The following LYPLAL1 variants were observed in gnomAD, a reference collection of about 807,000 sequenced individuals.
LYPLAL1 encodes the protein lysophospholipase-like protein 1.
Under a neutral mutation model 19.7 loss-of-function variants are expected in LYPLAL1, and 23 were observed. The observed-to-expected ratio is 1.17, with a 90% CI of 0.84 to 1.65. The LOEUF (loss-of-function observed/expected upper bound fraction) is 1.65, where lower values mean the gene tolerates loss of function less well. Ranked by LOEUF, LYPLAL1 falls within the 40% of genes most tolerant of loss-of-function variation. LYPLAL1 has a pLI of 0.00. For synonymous variants in LYPLAL1, 119 were observed against 96.3 expected, an observed-to-expected ratio of 1.24 and a Z score of -1.38; for missense variants, 355 against 279.4, an observed-to-expected ratio of 1.27 and a Z score of -1.93.
the LYPLAL1 span, among the ~76,000 whole-genome samples, chr1:219,431,035 T>TAA: frequency 3.3e-5 from 5 of 152,158 alleles, no homozygotes; most frequent in Non-Finnish European, 7.4e-5. Context: ...CAATTGTCTT[T>TAA]AAGAGATACT....
chr1:219,334,114 A>G, the LYPLAL1 span, among the ~76,000 whole-genome samples: 1 of 152,040 alleles, frequency 6.6e-6, no homozygotes, highest in Non-Finnish European at 1.5e-5. Flanking sequence ...ACTCTATCAT[A>G]GAATCCCAAG....
the LYPLAL1 span, among the ~76,000 whole-genome samples, chr1:219,367,777 C>T: frequency 3.3e-5 from 5 of 152,114 alleles, no homozygotes; most frequent in East Asian, 9.6e-4. Flanking sequence ...AGTTCCTAAC[C>T]TGAGGTAATG....
At chr1:219,269,188 C>T in the LYPLAL1 span, among the ~76,000 whole-genome samples, 3 of 152,146 alleles carry the variant, frequency 2.0e-5, no homozygotes, top group African/African-American at 7.2e-5. Flanking sequence ...CTGTGTCCTA[C>T]AAGTGAAGAT....
intron 2 of LYPLAL1, among the ~76,000 whole-genome samples, chr1:219,180,902 G>T (rs929042826): frequency 5.3e-5 from 8 of 152,122 alleles, no homozygotes; most frequent in Non-Finnish European, 1.0e-4. Context: ...TTGTGATTTA[G>T]TAAAATATGA....
At chr1:219,390,628 A>T in the LYPLAL1 span, among the ~76,000 whole-genome samples, 1 of 152,206 alleles carries the variant, frequency 6.6e-6, no homozygotes, top group Non-Finnish European at 1.5e-5. Context: ...AATCATTTAC[A>T]AACCTGTTAG....
intron 3 of LYPLAL1, chr1:219,200,235 A>G (rs1467564078): frequency 1.6e-5 from 4 of 253,190 alleles, no homozygotes; most frequent in Non-Finnish European, 2.4e-5. Flanking sequence ...TCGAGCCAAG[A>G]AAACAGCTTT....
chr1:219,182,434 A>G (rs78084571), intron 2 of LYPLAL1, among the ~76,000 whole-genome samples: 271 of 152,130 alleles, frequency 1.8e-3, no homozygotes, highest in African/African-American at 6.1e-3. Context: ...GCTACCTTCC[A>G]TCTATTATGG....
At chr1:219,363,810 C>T in the LYPLAL1 span, among the ~76,000 whole-genome samples, 1 of 152,284 alleles carries the variant, frequency 6.6e-6, no homozygotes, top group African/African-American at 2.4e-5. Context: ...AAAAGTCTAA[C>T]TTTCTTCTCA....
chr1:219,297,002 A>G, the LYPLAL1 span, among the ~76,000 whole-genome samples: 20 of 152,226 alleles, frequency 1.3e-4, no homozygotes, highest in African/African-American at 4.8e-4. Context: ...AATAACTGGG[A>G]AAAGTGAGTT....
chr1:219,255,846 A>G, the LYPLAL1 span, among the ~76,000 whole-genome samples: 1 of 151,940 alleles, frequency 6.6e-6, no homozygotes, highest in East Asian at 1.9e-4. Context: ...TAAAGATAAC[A>G]AAGACAAAAA....
chr1:219,278,106 A>G, the LYPLAL1 span, among the ~76,000 whole-genome samples: 1 of 152,212 alleles, frequency 6.6e-6, no homozygotes, highest in South Asian at 2.1e-4. Context: ...CAACATCCTC[A>G]TTTTTCACAT....
At chr1:219,355,111 C>G in the LYPLAL1 span, among the ~76,000 whole-genome samples, 1 of 152,134 alleles carries the variant, frequency 6.6e-6, no homozygotes, top group Admixed American at 6.5e-5. Flanking sequence ...ATAAATCTTT[C>G]TGCAATGATG....
the LYPLAL1 span, among the ~76,000 whole-genome samples, chr1:219,232,480 G>A: frequency 6.6e-6 from 1 of 152,136 alleles, no homozygotes; most frequent in Admixed American, 6.5e-5. Context: ...ATTTGGCAAT[G>A]ATTTCTTGGG....
the LYPLAL1 span, among the ~76,000 whole-genome samples, chr1:219,246,166 TTATC>T: frequency 2.0e-5 from 3 of 152,036 alleles, no homozygotes; most frequent in Non-Finnish European, 4.4e-5. Context: ...GAGAATGGAG[TTATC>T]TGATTGGCAG....
chr1:219,378,297 G>A, the LYPLAL1 span, among the ~76,000 whole-genome samples: 5 of 150,492 alleles, frequency 3.3e-5, no homozygotes, highest in African/African-American at 1.3e-4. Flanking sequence ...TGGCAGAAGG[G>A]GAAGCAAACA....
At chr1:219,253,582 G>GT in the LYPLAL1 span, among the ~76,000 whole-genome samples, 1 of 149,722 alleles carries the variant, frequency 6.7e-6, no homozygotes, top group Admixed American at 6.6e-5. Flanking sequence ...ATAATTGCTT[G>GT]TTTTTTTAGT....
chr1:219,377,996 T>C, the LYPLAL1 span, among the ~76,000 whole-genome samples: 1 of 152,232 alleles, frequency 6.6e-6, no homozygotes, highest in African/African-American at 2.4e-5. Flanking sequence ...CTAATGGGGA[T>C]GTCTATGTTC....
chr1:219,365,460 G>A, the LYPLAL1 span, among the ~76,000 whole-genome samples: 142 of 152,234 alleles, frequency 9.3e-4, no homozygotes, highest in Middle Eastern at 3.4e-3. Context: ...ACAACCCAAA[G>A]GAAGGCTTCA....
chr1:219,264,488 A>G, the LYPLAL1 span, among the ~76,000 whole-genome samples: 28 of 152,308 alleles, frequency 1.8e-4, no homozygotes, highest in East Asian at 3.5e-3. Context: ...AACTTCATAG[A>G]TTTTCCAAAG....
Sources: gnomAD v4.1 joint callset for allele counts (sites outside exome capture counted in the v4.1 genomes callset) on GRCh38, gnomAD v4.1.1 for gene constraint, MANE v1.5 for transcripts, NCBI Gene and HGNC (gene_info 2026-07-23, HGNC 2026-07-21) for gene names.